The following SOX6 variants were observed in gnomAD, a reference collection of about 807,000 sequenced individuals.
SOX6 encodes the protein SRY-box transcription factor 6.
SOX6 carries 11 observed loss-of-function variants against 97.8 expected under a neutral mutation model. The ratio of observed to expected loss-of-function variants is 0.11; its 90% CI spans 0.07 to 0.19. The LOEUF (loss-of-function observed/expected upper bound fraction) is 0.19. SOX6 is among the 10% of genes least tolerant of loss of function. SOX6 has a pLI of 1.00. For synonymous variants in SOX6, 360 were observed against 371.4 expected, an observed-to-expected ratio of 0.97 and a Z score of 0.35; for missense variants, 810 against 1,039.5, an observed-to-expected ratio of 0.78 and a Z score of 3.04.
rs115751256 is a variant in SOX6 at position 16,186,960 on chromosome 11, A to G, written c.536-5T>C. The stretch of plus-strand genomic sequence containing the variant: ...CTGCCAGGCTCTCAGGTGTACCTAA[A>G]ATGGAAGCAAGAAGAGATCTCACAA... On this transcript the variant is annotated splice_polypyrimidine_tract_variant and splice_region_variant and intron_variant, in intron 4 of 15. Transcript: ENST00000683767. The G allele has an allele frequency of 3.6e-5, 58 of 1,613,766 alleles. No individual in the cohort carries two copies. The African/African-American group carries it at 5.6e-4, about 16-fold the overall frequency.
chr11:16,169,833 T>C (rs1283171256), intron 6 of SOX6, among the ~76,000 whole-genome samples: 1 of 151,980 alleles, frequency 6.6e-6, no homozygotes, highest in Non-Finnish European at 1.5e-5. Flanking sequence ...GAGGTGCTGA[T>C]GGGGGCACCT....
intron 4 of SOX6, among the ~76,000 whole-genome samples, chr11:16,489,687 C>T (rs1466844714): frequency 6.6e-6 from 1 of 152,074 alleles, no homozygotes; most frequent in Non-Finnish European, 1.5e-5. Flanking sequence ...GCAATTAGTA[C>T]AGTACCCTGG....
Position 16,009,637 on chromosome 11 carries a change from G to C in SOX6, c.1732+5305C>G, listed in dbSNP as rs77572117. On this transcript the variant is annotated intron_variant, in intron 13 of 15. Transcript: ENST00000683767. ...TCAGACTCTCAGAGGCATTTGAACA[G>C]ATGTAAAACGACTACTTGTCAGGGA... 1.5e-4 allele frequency among the ~76,000 whole-genome samples: 23 copies of C among 152,166 alleles called. No homozygotes were observed. The East Asian group carries it at 4.1e-3, about 27-fold the overall frequency.
intron 4 of SOX6, among the ~76,000 whole-genome samples, chr11:16,599,775 A>G (rs901976600): frequency 1.1e-4 from 16 of 152,340 alleles, no homozygotes; most frequent in African/African-American, 3.8e-4. Flanking sequence ...AATAGATTAC[A>G]ACATCTACAA....
intron 13 of SOX6, among the ~76,000 whole-genome samples, chr11:15,996,986 T>C (rs1203944603): frequency 6.6e-6 from 1 of 151,990 alleles, no homozygotes; most frequent in Non-Finnish European, 1.5e-5. Flanking sequence ...AAATCCTAAG[T>C]AAGATGGGTC....
chr11:16,737,102 A>G (rs1366426671), intron 1 of SOX6, among the ~76,000 whole-genome samples: 1 of 152,242 alleles, frequency 6.6e-6, no homozygotes, highest in Non-Finnish European at 1.5e-5. Context: ...CAGGCAGTGA[A>G]ACTAGAGCAA....
intron 4 of SOX6, among the ~76,000 whole-genome samples, chr11:16,208,889 T>G (rs1852143501): frequency 6.6e-6 from 1 of 152,238 alleles, no homozygotes; most frequent in African/African-American, 2.4e-5. Context: ...GAAGATGCTT[T>G]ATATTTCAGA....
chr11:16,055,423 A>G (rs963189163), intron 10 of SOX6, among the ~76,000 whole-genome samples: 2 of 152,148 alleles, frequency 1.3e-5, no homozygotes, highest in African/African-American at 4.8e-5. Context: ...ATGAAGAGAA[A>G]TGCCACAAGT....
intron 3 of SOX6, among the ~76,000 whole-genome samples, chr11:16,283,559 A>T (rs1195451695): frequency 6.6e-6 from 1 of 151,792 alleles, no homozygotes; most frequent in Admixed American, 6.6e-5. Context: ...ATAAACACAC[A>T]ACACTAACAT....
At position 16,520,694 on chromosome 11, in the gene SOX6, C is replaced by T. The variant is rs147142780; in HGVS notation, n.610-44306G>A. ...GCGAGGCATGGCCTCACTCGGGAAG[C>T]GCAAGGGGTCAGGGAGTTCCCTTTC... On this transcript the variant is annotated intron_variant and non_coding_transcript_variant, in intron 4 of 5. Coordinates refer to the SOX6 transcript ENST00000524520. Among the ~76,000 whole-genome samples the T allele has an allele frequency of 6.8e-3, 1,036 of 152,346 alleles. 17 individuals are homozygous for T. Among genetic ancestry groups the T allele is most frequent in the African/African-American group, 0.022 (924 of 41,580 alleles).
intron 1 of SOX6, among the ~76,000 whole-genome samples, chr11:16,475,788 A>G (rs1355052655): frequency 1.3e-5 from 2 of 152,152 alleles, no homozygotes; most frequent in Non-Finnish European, 2.9e-5. Flanking sequence ...ATAAACCTCT[A>G]ATTTGCTTAA....
intron 3 of SOX6, among the ~76,000 whole-genome samples, chr11:16,653,343 T>C (rs1347334725): frequency 1.3e-5 from 2 of 152,278 alleles, no homozygotes; most frequent in Non-Finnish European, 2.9e-5. Context: ...TAATTTGCTA[T>C]TGTAAAAATA....
chr11:16,224,735 A>C (rs1852634073), intron 4 of SOX6, among the ~76,000 whole-genome samples: 1 of 152,092 alleles, frequency 6.6e-6, no homozygotes, highest in Non-Finnish European at 1.5e-5. Context: ...GTTAGCAAAA[A>C]GAGTCCATGG....
chr11:16,249,050 A>C (rs1384857894), intron 3 of SOX6, among the ~76,000 whole-genome samples: 1 of 151,908 alleles, frequency 6.6e-6, no homozygotes, highest in Non-Finnish European at 1.5e-5. Context: ...GCAGTGAGCC[A>C]AGATCGCACC....
intron 3 of SOX6, among the ~76,000 whole-genome samples, chr11:16,706,729 G>A (rs1477270915): frequency 2.7e-5 from 4 of 150,396 alleles, no homozygotes; most frequent in South Asian, 4.2e-4. Flanking sequence ...TTGGATTTGA[G>A]ACCCTGTACA....
intron 6 of SOX6, among the ~76,000 whole-genome samples, chr11:16,120,726 C>T (rs559601484): frequency 8.5e-5 from 13 of 152,056 alleles, no homozygotes; most frequent in African/African-American, 2.4e-4. Context: ...ACAGAATAAA[C>T]GAAAAAGATT....
At chr11:16,020,802 C>T (rs1217900036) in intron 12 of SOX6, among the ~76,000 whole-genome samples, 3 of 152,204 alleles carry the variant, frequency 2.0e-5, no homozygotes, top group East Asian at 1.9e-4. Context: ...AAGTCTCCCT[C>T]GACAACATCA....
intron 1 of SOX6, among the ~76,000 whole-genome samples, chr11:16,429,722 T>A (rs1327554617): frequency 1.3e-5 from 2 of 152,002 alleles, no homozygotes; most frequent in East Asian, 3.9e-4. Context: ...AAATAACTTA[T>A]AAGTACTAGG....
intron 7 of SOX6, among the ~76,000 whole-genome samples, chr11:16,104,634 ATG>A (rs1199458606): frequency 6.6e-6 from 1 of 151,544 alleles, no homozygotes; most frequent in Non-Finnish European, 1.5e-5. Context: ...GGGTTATTAA[ATG>A]AGATTACACA....
Sources: gnomAD v4.1 joint callset for allele counts (sites outside exome capture counted in the v4.1 genomes callset) on GRCh38, gnomAD v4.1.1 for gene constraint, MANE v1.5 for transcripts, NCBI Gene and HGNC (gene_info 2026-07-23, HGNC 2026-07-21) for gene names.